The following ANAPC1 variants were observed in gnomAD, a reference collection of about 807,000 sequenced individuals.
The protein encoded by ANAPC1 is anaphase-promoting complex subunit 1.
In ANAPC1, 36 loss-of-function variants were observed where a neutral mutation model predicts 208.0. The observed-to-expected ratio is 0.17, with a 90% CI of 0.13 to 0.23. The LOEUF (loss-of-function observed/expected upper bound fraction) is 0.23, where lower values mean the gene tolerates loss of function less well. ANAPC1 is among the 10% of genes least tolerant of loss of function. The pLI, the probability that ANAPC1 is intolerant of heterozygous loss-of-function variation, is 1.00. For missense variants in ANAPC1, 942 were observed against 2,011.6 expected (o/e 0.47, Z 10.17); for synonymous variants, 378 against 695.2 (o/e 0.54, Z 7.18).
At chr2:111,883,704 CT>C (rs1195553865) in intron 1 of ANAPC1, among the ~76,000 whole-genome samples, 3 of 152,170 alleles carry the variant, frequency 2.0e-5, no homozygotes, top group Non-Finnish European at 4.4e-5. Flanking sequence ...ACATGGGATG[CT>C]ACGCACAGCT....
intron 22 of ANAPC1, 151 bp from the exon 23 acceptor site, chr2:111,825,318 C>T (rs1470678709): frequency 1.7e-6 from 2 of 1,161,420 alleles, no homozygotes; most frequent in African/African-American, 3.1e-5. Context: ...CTGAAAAGTA[C>T]AGTCAAGGCC....
chr2:111,810,516 C>T (rs1422330105), intron 28 of ANAPC1, among the ~76,000 whole-genome samples: 3 of 151,266 alleles, frequency 2.0e-5, no homozygotes, highest in South Asian at 2.1e-4. Flanking sequence ...AAAAAAATAA[C>T]GCTGTGAAGT....
At chr2:111,837,882 C>A (rs1157695479) in intron 18 of ANAPC1, among the ~76,000 whole-genome samples, 1 of 151,884 alleles carries the variant, frequency 6.6e-6, no homozygotes, top group Non-Finnish European at 1.5e-5. Context: ...GTCAGGAGTT[C>A]GAGACCAGCC....
intron 13 of ANAPC1, 125 bp downstream of exon 13, chr2:111,856,489 C>A (rs563055176): frequency 5.2e-5 from 50 of 964,896 alleles, no homozygotes; most frequent in Non-Finnish European, 7.4e-5. Context: ...TAACAAAATT[C>A]TTCTGCCAAA....
chr2:111,838,632 C>T lies in ANAPC1; in HGVS notation c.2041-120G>A, dbSNP rs1680601326. ...CGAAAACTGAGAAAAGCCATCAAAA[C>T]TCATTTTTTGATCTGGAAAGGCATT... On this transcript the variant is annotated intron_variant, in intron 17 of 47. Transcript: ENST00000341068. The T allele has an allele frequency of 5.5e-6, 4 of 733,872 alleles. No individual in the cohort carries two copies. In the East Asian group the frequency reaches 1.1e-4, roughly 21 times the overall value. The allele number at this position is 733,872 out of a possible 1,614,324, so 45.5% of individuals were successfully genotyped here.
chr2:111,820,374 C>A (rs1218612567), intron 26 of ANAPC1, among the ~76,000 whole-genome samples: 1 of 152,104 alleles, frequency 6.6e-6, no homozygotes, highest in Non-Finnish European at 1.5e-5. Flanking sequence ...AGTCACCCAG[C>A]ACAGCATGGC....
At chr2:111,843,732 C>A in intron 16 of ANAPC1, 133 bp from the exon 17 acceptor site, 6 of 648,430 alleles carry the variant, frequency 9.3e-6, no homozygotes, top group Non-Finnish European at 1.0e-5. Context: ...ATTAAAGAGC[C>A]AATGAGATGC....
In ANAPC1 at chr2:111,856,695, A is replaced by G; in HGVS notation, c.1450-16T>C. 6.2e-7 allele frequency: 1 copy of G among 1,613,858 alleles called. No homozygotes were observed. The highest frequency in any genetic ancestry group is 8.5e-7 in the Non-Finnish European group (1 of 1,179,806). On this transcript the variant is annotated splice_polypyrimidine_tract_variant and intron_variant, in intron 12 of 47. Transcript: ENST00000341068. ...TGTCTATTTTCTAAAAAAACAAAAA[A>G]GACAAAAAATTTATTTCCCAATCTG...
chr2:111,841,855 T>C (rs116590517), intron 17 of ANAPC1, among the ~76,000 whole-genome samples: 5,219 of 152,144 alleles, frequency 0.034, 318 homozygotes, highest in African/African-American at 0.12. Flanking sequence ...GAAAAAAACA[T>C]TCCCATTTAC....
At chr2:111,852,357 C>T (rs1244146992) in intron 13 of ANAPC1, among the ~76,000 whole-genome samples, 1 of 151,576 alleles carries the variant, frequency 6.6e-6, no homozygotes, top group Non-Finnish European at 1.5e-5. Flanking sequence ...GACATGCCAA[C>T]GTTCACAGAC....
intron 38 of ANAPC1, among the ~76,000 whole-genome samples, chr2:111,792,150 TCA>T (rs1201062513): frequency 2.7e-5 from 4 of 150,796 alleles, no homozygotes; most frequent in Admixed American, 2.6e-4. Context: ...ACAGTGATGC[TCA>T]GTGTGTCAGA....
intron 30 of ANAPC1, among the ~76,000 whole-genome samples, chr2:111,805,375 C>T (rs1385024782): frequency 2.1e-5 from 2 of 95,088 alleles, no homozygotes; most frequent in East Asian, 6.1e-4. Context: ...GCTACTGGGA[C>T]AACATTCTGG....
chr2:111,790,812 A>G (rs1433128133), intron 38 of ANAPC1, among the ~76,000 whole-genome samples: 1 of 152,278 alleles, frequency 6.6e-6, no homozygotes, highest in East Asian at 1.9e-4. Flanking sequence ...AGGGCTTAGG[A>G]CATAGTTTAA....
intron 29 of ANAPC1, among the ~76,000 whole-genome samples, chr2:111,808,629 T>C (rs1385433564): frequency 5.3e-5 from 8 of 152,206 alleles, no homozygotes; most frequent in Non-Finnish European, 8.8e-5. Context: ...AGGCCACTGG[T>C]AGACACTGCT....
chr2:111,871,948 A>G (rs1318128061), intron 6 of ANAPC1, among the ~76,000 whole-genome samples: 6 of 152,186 alleles, frequency 3.9e-5, no homozygotes, highest in African/African-American at 1.4e-4. Context: ...TAGTGATAGT[A>G]TGACTTCCTC....
At chr2:111,829,229 A>G (rs186741070) in intron 21 of ANAPC1, among the ~76,000 whole-genome samples, 279 of 152,292 alleles carry the variant, frequency 1.8e-3, no homozygotes, top group Non-Finnish European at 3.4e-3. Flanking sequence ...AATAATAATA[A>G]CAATTTCAAT....
intron 21 of ANAPC1, among the ~76,000 whole-genome samples, chr2:111,828,621 C>T (rs1227116379): frequency 2.6e-5 from 4 of 152,168 alleles, no homozygotes; most frequent in African/African-American, 9.7e-5. Flanking sequence ...GCCTTTAAAA[C>T]AATGTAATTT....
At chr2:111,802,368 G>A in intron 33 of ANAPC1, 60 bp downstream of exon 33, 2 of 1,040,030 alleles carry the variant, frequency 1.9e-6, no homozygotes. Context: ...CGGCTTACAA[G>A]CTAAGTTTAA....
intron 38 of ANAPC1, among the ~76,000 whole-genome samples, chr2:111,790,815 T>A (rs1186680733): frequency 6.6e-6 from 1 of 152,060 alleles, no homozygotes; most frequent in Middle Eastern, 3.4e-3. Flanking sequence ...GCTTAGGACA[T>A]AGTTTAAAGA....
Sources: allele counts gnomAD v4.1 joint callset (sites outside exome capture counted in the v4.1 genomes callset), GRCh38; gene constraint gnomAD v4.1.1; transcripts MANE v1.5; gene names NCBI Gene and HGNC (gene_info 2026-07-23, HGNC 2026-07-21).